Variants in CDH13 observed in about 807,000 individuals in gnomAD.
The protein encoded by CDH13 is cadherin-13.
A neutral mutation model predicts 63.8 loss-of-function variants in CDH13; 24 were observed. The observed-to-expected ratio is 0.38, with a 90% CI of 0.27 to 0.53. The LOEUF (loss-of-function observed/expected upper bound fraction) is 0.53. CDH13 is among the 20% of genes least tolerant of loss of function. The pLI is 0.85. For missense variants in CDH13, 1,049 were observed against 903.1 expected, an observed-to-expected ratio of 1.16 and a Z score of -2.07; for synonymous variants, 503 against 355.3, an observed-to-expected ratio of 1.42 and a Z score of -4.67.
chr16:83,764,277 A>G (rs1383849339), intron 11 of CDH13, among the ~76,000 whole-genome samples: 2 of 152,266 alleles, frequency 1.3e-5, no homozygotes, highest in East Asian at 3.9e-4. Flanking sequence ...CAAGGATGCT[A>G]AATCCAATTA....
chr16:83,136,269 G>A (rs1401146670), intron 4 of CDH13, among the ~76,000 whole-genome samples: 2 of 151,770 alleles, frequency 1.3e-5, no homozygotes, highest in Non-Finnish European at 2.9e-5. Flanking sequence ...GGATCATGAG[G>A]TCAGGAGATC....
At chr16:82,736,768 A>T (rs1237718831) in intron 1 of CDH13, among the ~76,000 whole-genome samples, 8 of 151,502 alleles carry the variant, frequency 5.3e-5, no homozygotes, top group Non-Finnish European at 8.8e-5. Flanking sequence ...TTACCCTTTC[A>T]CTCCTTCGGG....
intron 8 of CDH13, among the ~76,000 whole-genome samples, chr16:83,667,001 G>C (rs544886584): frequency 2.7e-4 from 32 of 118,306 alleles, no homozygotes; most frequent in African/African-American, 9.0e-4. Context: ...ATGGATGGAT[G>C]GATGGATGGA....
chr16:83,322,080 C>A (rs1390498941), intron 5 of CDH13, among the ~76,000 whole-genome samples: 1 of 152,156 alleles, frequency 6.6e-6, no homozygotes, highest in Non-Finnish European at 1.5e-5. Context: ...ATAAAAATAA[C>A]TAGCTTAAGG....
intron 6 of CDH13, among the ~76,000 whole-genome samples, chr16:83,408,185 C>G (rs1383398985): frequency 3.9e-5 from 6 of 152,202 alleles, no homozygotes; most frequent in Non-Finnish European, 4.4e-5. Context: ...GACTGTATCA[C>G]TCTGATCATC....
chr16:82,794,194 T>TC (rs1567542085), intron 1 of CDH13, among the ~76,000 whole-genome samples: 1 of 151,570 alleles, frequency 6.6e-6, no homozygotes, highest in African/African-American at 2.4e-5. Context: ...TTTTTTTTTT[T>TC]AGTTCATCAG....
At chr16:82,884,067 A>G (rs1009959263) in intron 2 of CDH13, 1 of 401,942 alleles carries the variant, frequency 2.5e-6, no homozygotes, top group Non-Finnish European at 4.9e-6. Context: ...CTTAAAACCA[A>G]TAATGAAGTG....
chr16:83,376,232 G>C (rs79452894), intron 6 of CDH13, among the ~76,000 whole-genome samples: 17 of 152,148 alleles, frequency 1.1e-4, no homozygotes, highest in Admixed American at 2.6e-4. Context: ...TTTTAGGTAT[G>C]CCTCTGTTGG....
intron 5 of CDH13, among the ~76,000 whole-genome samples, chr16:83,279,489 G>A (rs907163794): frequency 3.3e-5 from 5 of 152,142 alleles, no homozygotes; most frequent in South Asian, 2.1e-4. Flanking sequence ...TCATTCAAAC[G>A]CTGCACATAT....
At position 83,498,507 on chromosome 16, in the gene CDH13, G is replaced by T. The variant is rs77236584; in HGVS notation, c.960+11852G>T. 3.5e-3 allele frequency among the ~76,000 whole-genome samples: 536 copies of T among 152,304 alleles called. 3 individuals carry two copies. Among genetic ancestry groups the T allele is most frequent in the African/African-American group, 0.013 (524 of 41,566 alleles). On this transcript the variant is annotated intron_variant, in intron 7 of 13. Coordinates refer to ENST00000567109, the MANE Select transcript of CDH13 (RefSeq NM_001257.5). Reference sequence around the variant, plus strand: ...TGATAACAAAGAAACTGAAAGAACAGTGTCACCATGTGTCTTACATATCAC... The same window carrying T: ...TGATAACAAAGAAACTGAAAGAACATTGTCACCATGTGTCTTACATATCAC...
intron 1 of CDH13, among the ~76,000 whole-genome samples, chr16:82,673,815 C>T (rs1008435789): frequency 6.6e-6 from 1 of 152,154 alleles, no homozygotes; most frequent in Non-Finnish European, 1.5e-5. Flanking sequence ...ACAAGCTCAT[C>T]CATGTGGAAG....
At chr16:82,921,204 T>C (rs914314933) in intron 2 of CDH13, among the ~76,000 whole-genome samples, 1 of 152,138 alleles carries the variant, frequency 6.6e-6, no homozygotes, top group African/African-American at 2.4e-5. Context: ...TTTCTTACAG[T>C]TCTGGAGCCC....
At chr16:82,867,795 C>T (rs751755536) in intron 2 of CDH13, among the ~76,000 whole-genome samples, 1 of 152,306 alleles carries the variant, frequency 6.6e-6, no homozygotes, top group South Asian at 2.1e-4. Flanking sequence ...TTTGACCCTG[C>T]TGAAAAGATT....
chr16:83,306,142 G>T (rs913596285), intron 5 of CDH13, among the ~76,000 whole-genome samples: 1 of 152,196 alleles, frequency 6.6e-6, no homozygotes, highest in Non-Finnish European at 1.5e-5. Flanking sequence ...TTCCCTGGCT[G>T]GGGAAGGTGG....
intron 5 of CDH13, among the ~76,000 whole-genome samples, chr16:83,323,609 AAAAAAC>A (rs1484410682): frequency 2.0e-5 from 3 of 152,122 alleles, no homozygotes; most frequent in African/African-American, 4.8e-5. Context: ...AACCTCTGGA[AAAAAAC>A]AAAAACAAAA....
At chr16:82,850,677 G>C (rs572005648) in intron 1 of CDH13, among the ~76,000 whole-genome samples, 1 of 152,116 alleles carries the variant, frequency 6.6e-6, no homozygotes, top group African/African-American at 2.4e-5. Context: ...AGGAAGAGTC[G>C]ATAGATTGGC....
intron 1 of CDH13, among the ~76,000 whole-genome samples, chr16:82,635,810 A>G (rs1908582572): frequency 6.6e-6 from 1 of 152,162 alleles, no homozygotes; most frequent in Admixed American, 6.5e-5. Context: ...TGATTAGATC[A>G]GAGGGCGGAT....
At chr16:82,728,153 C>G (rs151023863) in intron 1 of CDH13, among the ~76,000 whole-genome samples, 14 of 152,222 alleles carry the variant, frequency 9.2e-5, no homozygotes, top group African/African-American at 3.1e-4. Context: ...TTGACACATA[C>G]AAAGCACTCC....
chr16:82,976,420 G>T (rs148691898), intron 2 of CDH13, among the ~76,000 whole-genome samples: 4 of 152,228 alleles, frequency 2.6e-5, no homozygotes, highest in Non-Finnish European at 4.4e-5. Flanking sequence ...TCTTCACTGT[G>T]CTGGAGCTCC....
Sources: gnomAD v4.1 joint callset for allele counts (sites outside exome capture counted in the v4.1 genomes callset) on GRCh38, gnomAD v4.1.1 for gene constraint, MANE v1.5 for transcripts, NCBI Gene and HGNC (gene_info 2026-07-23, HGNC 2026-07-21) for gene names.